The following MGAT4C variants were observed in gnomAD, a reference collection of about 807,000 sequenced individuals.
MGAT4C encodes MGAT4 family member C.
MGAT4C carries 19 observed loss-of-function variants against 40.1 expected under a neutral mutation model. The ratio of observed to expected loss-of-function variants is 0.47; its 90% CI spans 0.33 to 0.70. The LOEUF (loss-of-function observed/expected upper bound fraction) is 0.70. MGAT4C is among the 30% of genes least tolerant of loss of function. MGAT4C has a pLI of 0.02. For missense variants in MGAT4C, 491 were observed against 563.2 expected (o/e 0.87, Z 1.30); for synonymous variants, 181 against 187.1 (o/e 0.97, Z 0.27).
At chr12:86,037,574 T>C (rs1316707271) in intron 2 of MGAT4C, among the ~76,000 whole-genome samples, 1 of 150,182 alleles carries the variant, frequency 6.7e-6, no homozygotes, top group Admixed American at 6.7e-5. Context: ...GAGCAGGTTG[T>C]TTAGTTTCCA....
At chr12:86,791,888 G>A (rs577977828) in intron 1 of MGAT4C, among the ~76,000 whole-genome samples, 1 of 152,152 alleles carries the variant, frequency 6.6e-6, no homozygotes, top group Non-Finnish European at 1.5e-5. Flanking sequence ...GGGGAAAAGC[G>A]CAGTGATTGT....
At chr12:86,329,429 T>C (rs921061835) in intron 4 of MGAT4C, among the ~76,000 whole-genome samples, 6 of 152,138 alleles carry the variant, frequency 3.9e-5, no homozygotes, top group African/African-American at 1.4e-4. Context: ...CTTTAATATG[T>C]AACTTTTATC....
chr12:86,008,403 T>C (rs1888114609), intron 2 of MGAT4C, among the ~76,000 whole-genome samples: 1 of 152,064 alleles, frequency 6.6e-6, no homozygotes, highest in African/African-American at 2.4e-5. Context: ...TAATTTTATC[T>C]TTTTTCTATT....
intron 1 of MGAT4C, among the ~76,000 whole-genome samples, chr12:86,143,826 G>C (rs773566415): frequency 8.5e-5 from 13 of 152,196 alleles, no homozygotes; most frequent in Non-Finnish European, 1.6e-4. Context: ...GCAGGTTGTA[G>C]ATATTGTTGA....
chr12:86,576,759 C>A (rs1411915911), intron 2 of MGAT4C, among the ~76,000 whole-genome samples: 1 of 151,808 alleles, frequency 6.6e-6, no homozygotes, highest in East Asian at 1.9e-4. Flanking sequence ...TAATGTGATT[C>A]TTCCAGTTTT....
intron 1 of MGAT4C, among the ~76,000 whole-genome samples, chr12:86,156,033 T>C (rs1884889621): frequency 6.6e-6 from 1 of 152,200 alleles, no homozygotes; most frequent in Admixed American, 6.5e-5. Context: ...AACCTGGAAA[T>C]CTTAAAATTT....
chr12:86,407,886 G>A (rs1369985844), intron 3 of MGAT4C, among the ~76,000 whole-genome samples: 2 of 152,018 alleles, frequency 1.3e-5, no homozygotes, highest in African/African-American at 4.8e-5. Flanking sequence ...GTCTAGTCAA[G>A]CATTAAATGT....
Position 85,979,092 on chromosome 12 carries a change from TC to T in MGAT4C, c.*196del. ...AGTAGCATTAGCTATAGACTGATATTCAACTTCAGACGTTAAAATAAATACA... is the reference window on the plus strand; with the variant it reads ...AGTAGCATTAGCTATAGACTGATATTAACTTCAGACGTTAAAATAAATACA... On this transcript the variant is annotated 3_prime_UTR_variant, in exon 5 of 5. Transcript: ENST00000611864. 1 of 440,446 alleles carries T rather than the reference TC, an allele frequency of 2.3e-6. No individual in the cohort carries two copies. The highest frequency in any genetic ancestry group is 4.0e-6 in the Non-Finnish European group (1 of 249,726). The allele number at this position is 440,446 out of a possible 1,614,324, so 27.3% of individuals were successfully genotyped here. A position where few individuals can be genotyped will look rare whatever the true frequency, so the allele number is the denominator to read the frequency against.
At chr12:86,638,080 T>C (rs1200125510) in intron 2 of MGAT4C, among the ~76,000 whole-genome samples, 1 of 150,810 alleles carries the variant, frequency 6.6e-6, no homozygotes, top group Non-Finnish European at 1.5e-5. Flanking sequence ...TGTATTAATT[T>C]TATCCGTAAA....
intron 2 of MGAT4C, among the ~76,000 whole-genome samples, chr12:86,481,971 T>C (rs1255306542): frequency 6.6e-6 from 1 of 151,686 alleles, no homozygotes; most frequent in Non-Finnish European, 1.5e-5. Context: ...ATATTATTTA[T>C]TAGGGCAGCA....
intron 2 of MGAT4C, among the ~76,000 whole-genome samples, chr12:86,709,616 A>G (rs1950523383): frequency 6.6e-6 from 1 of 152,048 alleles, no homozygotes; most frequent in Admixed American, 6.6e-5. Flanking sequence ...TATAGATATT[A>G]TATTTGAGGC....
intron 1 of MGAT4C, among the ~76,000 whole-genome samples, chr12:86,137,182 T>G (rs1291205156): frequency 2.0e-5 from 3 of 152,166 alleles, no homozygotes; most frequent in Admixed American, 6.5e-5. Flanking sequence ...TATTCCTTTC[T>G]TAACTCTGTA....
At chr12:86,838,033 A>G (rs1399021873) in intron 1 of MGAT4C, among the ~76,000 whole-genome samples, 2 of 152,212 alleles carry the variant, frequency 1.3e-5, no homozygotes, top group Non-Finnish European at 2.9e-5. Context: ...ACAAAGTTAA[A>G]TAATAATTTT....
At position 86,280,834 on chromosome 12, in the gene MGAT4C, A is replaced by T. The variant is rs76717684; in HGVS notation, c.-57+53231T>A. ...CAGTTTTCTTATTGTTTACATTTAC[A>T]AAGTACATATTTTATCTTATTACTT... is the stretch of plus-strand genomic sequence containing the variant. On this transcript the variant is annotated intron_variant, in intron 4 of 7. Transcript: ENST00000548651. Among the ~76,000 whole-genome samples, 911 of 152,134 alleles carry T rather than the reference A, an allele frequency of 6.0e-3. 5 individuals carry two copies. Among genetic ancestry groups the T allele is most frequent in the African/African-American group, 0.021 (878 of 41,544 alleles).
chr12:86,434,188 T>A (rs1957096100), intron 3 of MGAT4C, among the ~76,000 whole-genome samples: 1 of 152,030 alleles, frequency 6.6e-6, no homozygotes, highest in Non-Finnish European at 1.5e-5. Context: ...CATACAAGTT[T>A]ATTTAAAAAA....
chr12:86,500,890 T>C (rs1408714782), intron 2 of MGAT4C, among the ~76,000 whole-genome samples: 1 of 152,114 alleles, frequency 6.6e-6, no homozygotes, highest in Non-Finnish European at 1.5e-5. Flanking sequence ...GATTTATTGC[T>C]TGAATGTAAT....
rs189847186 is a variant in MGAT4C, at chr12:86,833,782, C to G, written c.-262+4884G>C. Among the ~76,000 whole-genome samples, 64 of 151,838 alleles carry G rather than the reference C, an allele frequency of 4.2e-4. 1 individual carries two copies. Among genetic ancestry groups the G allele is most frequent in the Admixed American group, 1.3e-3 (20 of 15,202 alleles). Reference sequence around the variant, plus strand: ...TGTTTGTTTGTTTTGTTTGTTTTTACAAAAAGTAGTTAGCAGCCTGTGTTC... The same window carrying G: ...TGTTTGTTTGTTTTGTTTGTTTTTAGAAAAAGTAGTTAGCAGCCTGTGTTC... On this transcript the variant is annotated intron_variant, in intron 1 of 7. Coordinates refer to the MGAT4C transcript ENST00000548651.
rs111816305 is a variant in MGAT4C at position 85,994,335 on chromosome 12, C to T, written c.-6-4783G>A. ...ACAAATAAAGTTTCCATGGTGTATA[C>T]CCCCAGAGTAACTATGATACAGACA... On this transcript the variant is annotated intron_variant, in intron 2 of 4. Coordinates refer to ENST00000611864, the MANE Select transcript of MGAT4C (RefSeq NM_001351288.2). Among the ~76,000 whole-genome samples the T allele has an allele frequency of 4.2e-3, 642 of 152,226 alleles. 4 individuals are homozygous for T. Among genetic ancestry groups the T allele is most frequent in the African/African-American group, 0.015 (618 of 41,522 alleles).
chr12:86,209,498 G>A (rs1271441413), intron 1 of MGAT4C, among the ~76,000 whole-genome samples: 1 of 152,070 alleles, frequency 6.6e-6, no homozygotes, highest in African/African-American at 2.4e-5. Flanking sequence ...TGTCAATCAT[G>A]TTGTCCAAGC....
Sources: allele counts gnomAD v4.1 joint callset (sites outside exome capture counted in the v4.1 genomes callset), GRCh38; gene constraint gnomAD v4.1.1; transcripts MANE v1.5; gene names NCBI Gene and HGNC (gene_info 2026-07-23, HGNC 2026-07-21).